AAK1: variants seen among roughly 807,000 people sequenced by gnomAD.
AAK1 encodes AP2 associated kinase 1.
Under a neutral mutation model 116.0 loss-of-function variants are expected in AAK1, and 37 were observed. The observed-to-expected ratio is 0.32, with a 90% CI of 0.25 to 0.42. AAK1 has a LOEUF of 0.42. Among genes scored for constraint, AAK1 ranks in the 10% least tolerant of loss-of-function variants. AAK1 has a pLI of 1.00. For missense variants in AAK1, 919 were observed against 1,170.6 expected (o/e 0.79, Z 3.14); for synonymous variants, 458 against 439.9 (o/e 1.04, Z -0.51).
At chr2:69,524,874 C>T (rs1321564349) in intron 10 of AAK1, among the ~76,000 whole-genome samples, 159 bp downstream of exon 10, 1 of 152,156 alleles carries the variant, frequency 6.6e-6, no homozygotes. Context: ...TTTTTGCATT[C>T]CCAAAGAACC....
chr2:69,623,004 A>C (rs556337334), intron 2 of AAK1, among the ~76,000 whole-genome samples: 6 of 152,238 alleles, frequency 3.9e-5, no homozygotes, highest in African/African-American at 1.4e-4. Flanking sequence ...AGGCTGCCAG[A>C]GACATCAGTG....
At chr2:69,616,852 A>G (rs991131881) in intron 2 of AAK1, among the ~76,000 whole-genome samples, 1 of 152,188 alleles carries the variant, frequency 6.6e-6, no homozygotes, top group African/African-American at 2.4e-5. Flanking sequence ...CCTACCAGCC[A>G]CAAATGACCT....
At chr2:69,609,072 A>G (rs1473263638) in intron 2 of AAK1, among the ~76,000 whole-genome samples, 1 of 152,234 alleles carries the variant, frequency 6.6e-6, no homozygotes, top group Non-Finnish European at 1.5e-5. Context: ...TGCCATCCCA[A>G]TAAAATAGGC....
chr2:69,549,593 G>A (rs1671089913), intron 3 of AAK1, among the ~76,000 whole-genome samples: 1 of 152,132 alleles, frequency 6.6e-6, no homozygotes, highest in Non-Finnish European at 1.5e-5. Context: ...CTCATGCAGA[G>A]TAGACCAGCA....
rs58662760 is a variant in AAK1 at position 69,490,923 on chromosome 2, CCA to C, written c.2365+5060_2365+5061del. On this transcript the variant is annotated intron_variant, in intron 17 of 21. Coordinates refer to ENST00000409085, the MANE Select transcript of AAK1 (RefSeq NM_014911.5). ...CTAAAATATATCTATGTGTGTGTAC[CCA>C]CACACACACACACACACACACTTTT... Among the ~76,000 whole-genome samples, 434 of 147,566 alleles carry C rather than the reference CCA, an allele frequency of 2.9e-3. 4 individuals are homozygous for C. Among genetic ancestry groups the C allele is most frequent in the Non-Finnish European group, 4.3e-3 (289 of 66,714 alleles).
rs752199895 is a variant in AAK1, at chr2:69,520,853, C to A, written c.1191G>T (p.Gln397His). Reference sequence around the variant, plus strand: ...ACAAACCTGCAGCCTGAGGTGGGGGCTGAACAGTGGCCCTCTTCCGGGGTG... The same window carrying A: ...ACAAACCTGCAGCCTGAGGTGGGGGATGAACAGTGGCCCTCTTCCGGGGTG... ...ALTPRKRATV[Q>H]PPPQAAGSSN... is the part of the protein sequence containing the mutation. Residue 397 changes from glutamine (Q) to histidine (H), a missense_variant, in exon 11 of 22, where the codon CAG becomes CAT. Physicochemically the swap from Gln to His is conservative, Grantham distance 24. Around this residue, in one of 4 missense-constraint regions of AAK1, gnomAD observed 214 missense variants for 210.6 expected, o/e 1.02. Transcript: ENST00000409085. 3.8e-6 allele frequency: 6 copies of A among 1,573,888 alleles called. No homozygotes were observed. The Admixed American group carries it at 9.5e-5, about 25-fold the overall frequency.
Position 69,643,088 on chromosome 2 carries a change from T to TTC in AAK1, c.-49_-48insGA, listed in dbSNP as rs1328865522. 9.6e-7 allele frequency: 1 copy of TTC among 1,036,636 alleles called. No individual in the cohort carries two copies. The highest frequency in any genetic ancestry group is 1.3e-6 in the Non-Finnish European group (1 of 763,126). 64.2% of individuals were successfully genotyped at this position (1,036,636 alleles called of 1,614,324 possible). On this transcript the variant is annotated 5_prime_UTR_variant, in exon 2 of 22. Transcript: ENST00000409085. ...GCAAAATACCGATGGTTTCTAGATT[T>TTC]TTTTTTTTTTTTTTTTTTTTTAAGA... is the stretch of plus-strand genomic sequence containing the variant.
chr2:69,556,731 G>C (rs1447063851), intron 3 of AAK1, 129 bp downstream of exon 3: 19 of 666,796 alleles, frequency 2.8e-5, no homozygotes. Flanking sequence ...CATGGCTGTT[G>C]AGTCCCATTT....
chr2:69,582,410 CGT>C (rs1017950056), intron 2 of AAK1, among the ~76,000 whole-genome samples: 3 of 151,776 alleles, frequency 2.0e-5, no homozygotes, highest in East Asian at 1.9e-4. Flanking sequence ...TGTGTGTGCG[CGT>C]GTGTGTGCGT....
chr2:69,530,275 G>A lies in AAK1; in HGVS notation c.739-135C>T. 3 of 943,124 alleles carry A rather than the reference G, an allele frequency of 3.2e-6. No homozygotes were observed. The South Asian group carries it at 6.3e-5, about 20-fold the overall frequency. 58.4% of individuals were successfully genotyped at this position (943,124 alleles called of 1,614,324 possible). A position where few individuals can be genotyped will look rare whatever the true frequency, so the allele number is the denominator to read the frequency against. Reference sequence around the variant, plus strand: ...TAGACTATTAATGTATTAGAAACATGAGTTTTAGAACCCAACACCACTGTT... The same window carrying A: ...TAGACTATTAATGTATTAGAAACATAAGTTTTAGAACCCAACACCACTGTT... On this transcript the variant is annotated intron_variant, in intron 7 of 21. Coordinates refer to ENST00000409085, the MANE Select transcript of AAK1 (RefSeq NM_014911.5).
At chr2:69,615,243 C>T (rs1264729110) in intron 2 of AAK1, among the ~76,000 whole-genome samples, 1 of 152,180 alleles carries the variant, frequency 6.6e-6, no homozygotes, top group Non-Finnish European at 1.5e-5. Context: ...CTTCTCGGGA[C>T]TTCGCAGAGA....
intron 7 of AAK1, 29 bp downstream of exon 7, chr2:69,530,596 G>A (rs764472020): frequency 6.4e-7 from 1 of 1,569,952 alleles, no homozygotes. Context: ...GCTGCTATCT[G>A]AGGTATGGAT....
At chr2:69,640,964 C>T (rs1322285538) in intron 2 of AAK1, among the ~76,000 whole-genome samples, 1 of 152,230 alleles carries the variant, frequency 6.6e-6, no homozygotes, top group Non-Finnish European at 1.5e-5. Context: ...CCTAGCACAG[C>T]ACCTGGCACT....
chr2:69,515,346 G>C (rs1327685603), intron 12 of AAK1, among the ~76,000 whole-genome samples: 1 of 152,142 alleles, frequency 6.6e-6, no homozygotes, highest in Non-Finnish European at 1.5e-5. Context: ...GTTTGAGATA[G>C]TGTCTTGCTG....
rs1669630780 is a variant in AAK1, at chr2:69,519,161, T to C, written c.1290A>G (p.Gln430=). The C allele has an allele frequency of 1.3e-6, 2 of 1,583,180 alleles. No homozygotes were observed. The highest frequency in any genetic ancestry group is 2.7e-5 in the African/African-American group (2 of 74,600). The change falls in exon 12 of 22, where the codon CAA becomes CAG. Residue 430 remains glutamine, a synonymous_variant. Transcript: ENST00000409085. ...PQAPPSQPLP[Q]TQAKQPQAPP... Reference sequence around the variant, plus strand: ...GAGCCTGTGGCTGCTTGGCCTGAGTTTGCGGCAGAGGCTGGCTGGGTGGGG... The same window carrying C: ...GAGCCTGTGGCTGCTTGGCCTGAGTCTGCGGCAGAGGCTGGCTGGGTGGGG...
chr2:69,535,917 A>G (rs1670451087), intron 5 of AAK1, among the ~76,000 whole-genome samples: 1 of 152,272 alleles, frequency 6.6e-6, no homozygotes, highest in African/African-American at 2.4e-5. Flanking sequence ...GGAACAAAGC[A>G]TAGAAACCAG....
Position 69,467,337 on chromosome 2 carries a change from T to C in AAK1, c.*8532A>G. On this transcript the variant is annotated 3_prime_UTR_variant, in exon 22 of 22. Transcript: ENST00000409085. The stretch of plus-strand genomic sequence containing the variant: ...GCAAACTCCAATATACTAGTCTATT[T>C]CTATCTAGGTAGAGGTGCCTCAGGG... 2.0e-6 allele frequency: 2 copies of C among 985,436 alleles called. No homozygotes were observed. The highest frequency in any genetic ancestry group is 2.4e-6 in the Non-Finnish European group (2 of 829,934). 61.0% of individuals were successfully genotyped at this position (985,436 alleles called of 1,614,324 possible).
chr2:69,540,405 G>GCCACCA (rs1670658811), intron 5 of AAK1, among the ~76,000 whole-genome samples: 1 of 152,202 alleles, frequency 6.6e-6, no homozygotes, highest in Non-Finnish European at 1.5e-5. Flanking sequence ...ATAGGCATGA[G>GCCACCA]CCACCACGCC....
At position 69,466,638 on chromosome 2, in the gene AAK1, T is replaced by C. The variant is rs966936419; in HGVS notation, c.*9231A>G. ...AATGGTCAACCCGCGGCAAAAACATTGTGGGACCAAATAATAGATGTTGAA... is the reference window on the plus strand; with the variant it reads ...AATGGTCAACCCGCGGCAAAAACATCGTGGGACCAAATAATAGATGTTGAA... On this transcript the variant is annotated 3_prime_UTR_variant, in exon 22 of 22. Coordinates refer to ENST00000409085, the MANE Select transcript of AAK1 (RefSeq NM_014911.5). 10 of 1,093,896 alleles carry C rather than the reference T, an allele frequency of 9.1e-6. No individual in the cohort carries two copies. The highest frequency in any genetic ancestry group is 1.7e-5 in the African/African-American group (1 of 60,072). 67.8% of individuals were successfully genotyped at this position (1,093,896 alleles called of 1,614,324 possible). A position where few individuals can be genotyped will look rare whatever the true frequency, so the allele number is the denominator to read the frequency against.
Sources: allele counts gnomAD v4.1 joint callset (sites outside exome capture counted in the v4.1 genomes callset), GRCh38; gene constraint gnomAD v4.1.1; regional missense constraint gnomAD v4.1.1; transcripts MANE v1.5; gene names NCBI Gene and HGNC (gene_info 2026-07-23, HGNC 2026-07-21).